SGCD: variants seen among roughly 807,000 people sequenced by gnomAD.
The protein encoded by SGCD is delta-sarcoglycan.
Under a neutral mutation model 36.6 loss-of-function variants are expected in SGCD, and 18 were observed. The observed-to-expected ratio is 0.49, with a 90% confidence interval of 0.34 to 0.73. SGCD has a LOEUF of 0.73. SGCD is among the 30% of genes least tolerant of loss of function. The pLI is 0.01. For synonymous variants in SGCD, 133 were observed against 130.6 expected, an observed-to-expected ratio of 1.02 and a Z score of -0.12; for missense variants, 387 against 346.7, an observed-to-expected ratio of 1.12 and a Z score of -0.92.
intron 1 of SGCD, among the ~76,000 whole-genome samples, chr5:155,994,579 T>C (rs1432725): frequency 1.3e-5 from 2 of 152,142 alleles, no homozygotes; most frequent in African/African-American, 4.8e-5. Flanking sequence ...GGGATCAAGT[T>C]CTGGTCTTGC....
chr5:156,360,892 G>A (rs546996440), intron 3 of SGCD, among the ~76,000 whole-genome samples: 13 of 151,960 alleles, frequency 8.6e-5, no homozygotes, highest in South Asian at 2.1e-4. Flanking sequence ...AGGGCTTGGC[G>A]CCCACCAAGA....
chr5:156,531,545 C>T (rs969280070), intron 4 of SGCD, among the ~76,000 whole-genome samples: 3 of 152,048 alleles, frequency 2.0e-5, no homozygotes, highest in Non-Finnish European at 4.4e-5. Context: ...GTCTTTTTGT[C>T]AGGGTTCTCT....
At chr5:156,084,188 T>C (rs1046898091) in intron 1 of SGCD, among the ~76,000 whole-genome samples, 62 of 152,334 alleles carry the variant, frequency 4.1e-4, no homozygotes, top group Non-Finnish European at 8.7e-4. Flanking sequence ...TTTGGGGAGA[T>C]TTGACACATT....
intron 6 of SGCD, among the ~76,000 whole-genome samples, chr5:156,614,220 C>G (rs1216332975): frequency 6.6e-6 from 1 of 152,298 alleles, no homozygotes; most frequent in East Asian, 1.9e-4. Context: ...GCTGGGATTA[C>G]AAGCATGAGC....
chr5:156,526,553 G>A (rs956780078), intron 4 of SGCD, among the ~76,000 whole-genome samples: 1 of 152,126 alleles, frequency 6.6e-6, no homozygotes, highest in Non-Finnish European at 1.5e-5. Flanking sequence ...AAAGTGATTT[G>A]TACTAAGTCA....
intron 1 of SGCD, among the ~76,000 whole-genome samples, chr5:155,981,061 G>T (rs1002736776): frequency 1.3e-5 from 2 of 152,234 alleles, no homozygotes; most frequent in Admixed American, 1.3e-4. Flanking sequence ...GGAGGAGGTG[G>T]TCTCCACAGT....
intron 3 of SGCD, among the ~76,000 whole-genome samples, chr5:156,156,356 C>A (rs1421525932): frequency 6.6e-6 from 1 of 151,464 alleles, no homozygotes; most frequent in Non-Finnish European, 1.5e-5. Context: ...TGGCTGGGCA[C>A]GGTGGCTCAC....
At chr5:156,502,938 C>G (rs1168885250) in intron 3 of SGCD, among the ~76,000 whole-genome samples, 1 of 152,054 alleles carries the variant, frequency 6.6e-6, no homozygotes, top group African/African-American at 2.4e-5. Context: ...TTTGATAGAC[C>G]TTTCCCACCA....
intron 6 of SGCD, among the ~76,000 whole-genome samples, chr5:156,623,690 A>G (rs1762339381): frequency 6.6e-6 from 1 of 152,220 alleles, no homozygotes; most frequent in African/African-American, 2.4e-5. Context: ...ATTGCATTTA[A>G]CTAAACAAAG....
Position 156,765,998 on chromosome 5 carries a change from A to G in SGCD, c.*6608A>G, listed in dbSNP as rs772102016. The G allele has an allele frequency of 7.2e-5, 11 of 151,910 alleles. No homozygotes were observed. Among genetic ancestry groups the G allele is most frequent in the African/African-American group, 9.7e-5 (4 of 41,292 alleles). The allele number at this position is 151,910 out of a possible 1,614,324, so 9.4% of individuals were successfully genotyped here. A position where few individuals can be genotyped will look rare whatever the true frequency, so the allele number is the denominator to read the frequency against. On this transcript the variant is annotated 3_prime_UTR_variant, in exon 9 of 9. Transcript: ENST00000337851. ...TAATAGAATCTAGAACAACAACAAA[A>G]ATATTAATTTTTTCTGTGTATGCTT...
chr5:156,423,279 A>G (rs1230715684), intron 3 of SGCD, among the ~76,000 whole-genome samples: 1 of 100,584 alleles, frequency 9.9e-6, no homozygotes, highest in East Asian at 3.1e-4. Context: ...ATAACATTAT[A>G]TTATATTTTA....
intron 3 of SGCD, among the ~76,000 whole-genome samples, chr5:156,218,400 A>G (rs771591563): frequency 6.6e-6 from 1 of 152,208 alleles, no homozygotes; most frequent in Admixed American, 6.5e-5. Flanking sequence ...GAAGGAAAGA[A>G]AATTGCAATA....
At chr5:156,126,679 T>TTTTTCAGATGTC (rs2127604501) in intron 3 of SGCD, among the ~76,000 whole-genome samples, 1 of 152,254 alleles carries the variant, frequency 6.6e-6, no homozygotes, top group Non-Finnish European at 1.5e-5. Flanking sequence ...ATGGAACAGA[T>TTTTTCAGATGTC]TTTTCAGATG....
intron 6 of SGCD, among the ~76,000 whole-genome samples, chr5:156,609,339 A>T (rs1208213882): frequency 6.6e-6 from 1 of 152,102 alleles, no homozygotes; most frequent in Non-Finnish European, 1.5e-5. Flanking sequence ...GCTGGGTTGA[A>T]AATTCTTTAC....
the SGCD span, among the ~76,000 whole-genome samples, chr5:155,775,584 C>T: frequency 6.6e-6 from 1 of 152,096 alleles, no homozygotes; most frequent in Non-Finnish European, 1.5e-5. Flanking sequence ...TTAGCTAGCA[C>T]AGCACTTTTA....
chr5:156,521,475 C>T (rs959990672), intron 4 of SGCD, among the ~76,000 whole-genome samples: 6 of 152,152 alleles, frequency 3.9e-5, no homozygotes, highest in African/African-American at 9.7e-5. Context: ...GTCTAATATT[C>T]AGAGTCTACA....
At chr5:156,214,619 C>T (rs1303766996) in intron 3 of SGCD, among the ~76,000 whole-genome samples, 1 of 151,870 alleles carries the variant, frequency 6.6e-6, no homozygotes, top group Non-Finnish European at 1.5e-5. Flanking sequence ...TATGGAACCA[C>T]AAAAGACTTT....
At chr5:155,761,522 A>G in the SGCD span, among the ~76,000 whole-genome samples, 1 of 123,004 alleles carries the variant, frequency 8.1e-6, no homozygotes, top group South Asian at 2.7e-4. Context: ...CCTCTCCATC[A>G]TCATCTGTCA....
At chr5:156,074,080 A>T (rs1329099430) in intron 1 of SGCD, among the ~76,000 whole-genome samples, 1 of 152,244 alleles carries the variant, frequency 6.6e-6, no homozygotes, top group Non-Finnish European at 1.5e-5. Flanking sequence ...ATATGTGAGC[A>T]TCAGACTTAT....
Sources: allele counts gnomAD v4.1 joint callset (sites outside exome capture counted in the v4.1 genomes callset), GRCh38; gene constraint gnomAD v4.1.1; transcripts MANE v1.5; gene names NCBI Gene and HGNC (gene_info 2026-07-23, HGNC 2026-07-21).